SDK2: variants seen among roughly 807,000 people sequenced by gnomAD.
The protein encoded by SDK2 is protein sidekick-2.
A neutral mutation model predicts 253.9 loss-of-function variants in SDK2; 105 were observed. The observed-to-expected ratio is 0.41, with a 90% CI of 0.35 to 0.49. The LOEUF is 0.49. Among genes scored for constraint, SDK2 ranks in the 20% least tolerant of loss-of-function variants. SDK2 has a pLI of 0.06. For synonymous variants in SDK2, 1,249 were observed against 1,234.9 expected, an observed-to-expected ratio of 1.01 and a Z score of -0.24; for missense variants, 2,608 against 3,003.0, an observed-to-expected ratio of 0.87 and a Z score of 3.07.
intron 44 of SDK2, among the ~76,000 whole-genome samples, chr17:73,342,369 G>A (rs753001615): frequency 4.6e-5 from 7 of 152,214 alleles, no homozygotes; most frequent in Non-Finnish European, 8.8e-5. Flanking sequence ...GCCCGCCCAG[G>A]AGAACAAAGA....
rs1599635752 is a variant in SDK2 at position 73,511,110 on chromosome 17, A to T, written c.65-3513T>A. Among the ~76,000 whole-genome samples, 1 of 152,194 alleles carries T rather than the reference A, an allele frequency of 6.6e-6. No homozygotes were observed. The highest frequency in any genetic ancestry group is 6.5e-5 in the Admixed American group (1 of 15,284). On this transcript the variant is annotated intron_variant, in intron 1 of 44. Coordinates refer to ENST00000392650, the MANE Select transcript of SDK2 (RefSeq NM_001144952.2). The surrounding 1 kb of genome is among the most constrained non-coding windows in gnomAD (Gnocchi z 4.9). ...TGCTCTCAGCTTAACAAATGGGCAC[A>T]TTCTTACTTCAAAGGCGCATTCATA...
intron 1 of SDK2, among the ~76,000 whole-genome samples, chr17:73,533,142 C>A (rs148090682): frequency 6.6e-6 from 1 of 152,190 alleles, no homozygotes; most frequent in Non-Finnish European, 1.5e-5. Context: ...AGCGCTCCAT[C>A]AAGCAAGGCC....
At chr17:73,563,210 A>G (rs940177801) in intron 1 of SDK2, among the ~76,000 whole-genome samples, 4 of 152,250 alleles carry the variant, frequency 2.6e-5, no homozygotes. Flanking sequence ...ATCCTCCCCC[A>G]GAAGTATCAG....
chr17:73,342,421 G>A (rs1055798685), intron 44 of SDK2, among the ~76,000 whole-genome samples: 1 of 152,214 alleles, frequency 6.6e-6, no homozygotes, highest in African/African-American at 2.4e-5. Context: ...TGCCGAGCGG[G>A]GGCACCTGAT....
rs2062547088 is a variant in SDK2, at chr17:73,352,465, G to GCCGGTA, written c.5758+2_5758+7dup. The GCCGGTA allele has an allele frequency of 1.9e-6, 3 of 1,609,508 alleles. No homozygotes were observed. The highest frequency in any genetic ancestry group is 1.1e-5 in the South Asian group (1 of 90,236). On this transcript the variant is annotated splice_region_variant and intron_variant, in intron 41 of 44. Coordinates refer to ENST00000392650, the MANE Select transcript of SDK2 (RefSeq NM_001144952.2). The surrounding 1 kb of genome is among the most constrained non-coding windows in gnomAD (Gnocchi z 4.1). ...GCTCCCCCACTCCCTCAGCCCCCAG[G>GCCGGTA]CCGGTACCTGGCACAGACTGGGAGG... is the stretch of plus-strand genomic sequence containing the variant.
At chr17:73,357,092 G>T (rs1468517774) in intron 40 of SDK2, among the ~76,000 whole-genome samples, 1 of 152,206 alleles carries the variant, frequency 6.6e-6, no homozygotes. Flanking sequence ...TGCATCCTCC[G>T]GCCACACAGC....
chr17:73,359,003 G>T (rs1599481975), intron 39 of SDK2, among the ~76,000 whole-genome samples: 3 of 152,162 alleles, frequency 2.0e-5, no homozygotes, highest in Admixed American at 2.0e-4. Context: ...TCTGCAAGGG[G>T]CTCTGAGCCC....
rs563339800 is a variant in SDK2 at position 73,383,815 on chromosome 17, G to A, written c.4705+61C>T. On this transcript the variant is annotated intron_variant, in intron 33 of 44. Coordinates refer to ENST00000392650, the MANE Select transcript of SDK2 (RefSeq NM_001144952.2). The surrounding 1 kb of genome is among the most constrained non-coding windows in gnomAD (Gnocchi z 4.3). ...TCCAGGAAGCTGAGAGCTCCAGAGC[G>A]GGAAGGTGAGGGTGACCGCCCCCAT... The A allele has an allele frequency of 1.7e-5, 27 of 1,599,184 alleles. No homozygotes were observed. The highest frequency in any genetic ancestry group is 2.7e-5 in the African/African-American group (2 of 74,780).
rs1400679544 is a variant in SDK2 at position 73,496,044 on chromosome 17, A to T, written c.224+11394T>A. Among the ~76,000 whole-genome samples, 1 of 152,176 alleles carries T rather than the reference A, an allele frequency of 6.6e-6. No homozygotes were observed. The highest frequency in any genetic ancestry group is 1.9e-4 in the East Asian group (1 of 5,188). On this transcript the variant is annotated intron_variant, in intron 2 of 44. Coordinates refer to ENST00000392650, the MANE Select transcript of SDK2 (RefSeq NM_001144952.2). This position sits in a 1 kb window ranked among gnomAD's most constrained non-coding sequence, Gnocchi z 4.7. Reference sequence around the variant, plus strand: ...GAACAGGCAGATAGGATCTAGCCTCATTGAGGAAAAGGAACCTGGACTTCC... The same window carrying T: ...GAACAGGCAGATAGGATCTAGCCTCTTTGAGGAAAAGGAACCTGGACTTCC...
rs1170178726 is a variant in SDK2, at chr17:73,415,797, C to G, written c.2368+14G>C. Reference sequence around the variant, plus strand: ...AGCCACCGCGCCTGGTCTGAGACCACAGTCTCTACCTACCTCCCTGCAGCG... The same window carrying G: ...AGCCACCGCGCCTGGTCTGAGACCAGAGTCTCTACCTACCTCCCTGCAGCG... On this transcript the variant is annotated intron_variant, in intron 17 of 44. Transcript: ENST00000392650. The G allele has an allele frequency of 1.9e-6, 3 of 1,548,424 alleles. No individual in the cohort carries two copies. Among genetic ancestry groups the G allele is most frequent in the Non-Finnish European group, 2.6e-6 (3 of 1,144,230 alleles).
chr17:73,527,035 G>T (rs2064131591), intron 1 of SDK2, among the ~76,000 whole-genome samples: 1 of 152,234 alleles, frequency 6.6e-6, no homozygotes, highest in Non-Finnish European at 1.5e-5. Context: ...ACACTGTGAG[G>T]GATGACTAAC....
Position 73,467,552 on chromosome 17 carries a change from G to A in SDK2, c.331+4560C>T, listed in dbSNP as rs75471085. ...CCTAGGCCCAGAATCCCAGGGAAGTGGGGCTGGGACAGAGGATTCTTCAGC... is the reference window on the plus strand; with the variant it reads ...CCTAGGCCCAGAATCCCAGGGAAGTAGGGCTGGGACAGAGGATTCTTCAGC... On this transcript the variant is annotated intron_variant, in intron 3 of 44. Transcript: ENST00000392650. The surrounding 1 kb of genome is among the most constrained non-coding windows in gnomAD (Gnocchi z 4.1). Among the ~76,000 whole-genome samples the A allele has an allele frequency of 9.0e-3, 1,377 of 152,226 alleles. 24 individuals carry two copies. Among genetic ancestry groups the A allele is most frequent in the African/African-American group, 0.032 (1,310 of 41,532 alleles).
intron 1 of SDK2, among the ~76,000 whole-genome samples, chr17:73,622,328 G>A (rs1263701464): frequency 3.9e-5 from 6 of 152,168 alleles, no homozygotes; most frequent in Non-Finnish European, 1.5e-5. Flanking sequence ...TCATGCCCCC[G>A]TTATCTGCAT....
At chr17:73,449,936 A>C (rs2063480095) in intron 4 of SDK2, among the ~76,000 whole-genome samples, 1 of 151,120 alleles carries the variant, frequency 6.6e-6, no homozygotes, top group African/African-American at 2.4e-5. Context: ...AAAACAAAAC[A>C]AACAAACAAA....
chr17:73,492,646 GTC>G (rs1319686643), intron 2 of SDK2, among the ~76,000 whole-genome samples: 1 of 152,160 alleles, frequency 6.6e-6, no homozygotes, highest in African/African-American at 2.4e-5. Flanking sequence ...CCCAGGAGGA[GTC>G]TCTGCCATCC....
intron 2 of SDK2, among the ~76,000 whole-genome samples, chr17:73,505,972 A>G (rs1220457852): frequency 2.0e-5 from 3 of 152,178 alleles, no homozygotes; most frequent in Admixed American, 6.5e-5. Flanking sequence ...TAGCAGTGCC[A>G]GGGCCCCAGA....
intron 39 of SDK2, among the ~76,000 whole-genome samples, chr17:73,360,316 C>A (rs1407069218): frequency 1.3e-5 from 2 of 152,106 alleles, no homozygotes; most frequent in Non-Finnish European, 2.9e-5. Flanking sequence ...AAGTGACTGG[C>A]CAGAAAGAAA....
chr17:73,437,701 G>A, intron 8 of SDK2, 38 bp downstream of exon 8: 1 of 1,515,030 alleles, frequency 6.6e-7, no homozygotes, highest in South Asian at 1.1e-5. Context: ...CTGAAGATCT[G>A]GGGTCTTTGT....
rs2063323189 is a variant in SDK2 at position 73,431,204 on chromosome 17, C to A, written c.1480+298G>T. Among the ~76,000 whole-genome samples the A allele has an allele frequency of 6.6e-6, 1 of 152,224 alleles. No homozygotes were observed. Among genetic ancestry groups the A allele is most frequent in the African/African-American group, 2.4e-5 (1 of 41,460 alleles). On this transcript the variant is annotated intron_variant, in intron 11 of 44. Transcript: ENST00000392650. This position sits in a 1 kb window ranked among gnomAD's most constrained non-coding sequence, Gnocchi z 5.6. ...TAAAATATTTATGATCTGGCCCTTTCTTGAAAATATTTGCCGATTTCTGCC... is the reference window on the plus strand; with the variant it reads ...TAAAATATTTATGATCTGGCCCTTTATTGAAAATATTTGCCGATTTCTGCC...
Sources: allele counts gnomAD v4.1 joint callset (sites outside exome capture counted in the v4.1 genomes callset), GRCh38; gene constraint gnomAD v4.1.1; non-coding constraint Gnocchi (gnomAD v3.1); transcripts MANE v1.5; gene names NCBI Gene and HGNC (gene_info 2026-07-23, HGNC 2026-07-21).